FAM200B: variants seen among roughly 807,000 people sequenced by gnomAD.
The protein encoded by FAM200B is protein FAM200B.
Under a neutral mutation model 33.1 loss-of-function variants are expected in FAM200B, and 32 were observed. That is an observed-to-expected ratio of 0.97 (90% CI 0.73 to 1.30). FAM200B has a LOEUF of 1.30. FAM200B is among the 50% of genes most tolerant of loss of function. The pLI is 0.00. For synonymous variants in FAM200B, 240 were observed against 264.8 expected (o/e 0.91, Z 0.91); for missense variants, 741 against 754.0 (o/e 0.98, Z 0.20).
chr4:15,664,911 C>T, the FAM200B span, among the ~76,000 whole-genome samples: 1 of 151,994 alleles, frequency 6.6e-6, no homozygotes, highest in Non-Finnish European at 1.5e-5. Context: ...CCTACAGGTA[C>T]AAATGTCACA....
the FAM200B span, among the ~76,000 whole-genome samples, chr4:15,650,261 C>A: frequency 6.6e-6 from 1 of 152,186 alleles, no homozygotes; most frequent in African/African-American, 2.4e-5. Flanking sequence ...AAATGTTGCT[C>A]TAGAAAACTG....
the FAM200B span, chr4:15,644,650 T>C: frequency 6.2e-7 from 1 of 1,614,070 alleles, no homozygotes; most frequent in East Asian, 2.2e-5. Context: ...GAAAGTAGCA[T>C]ACAAAGACTG....
chr4:15,650,329 A>T, the FAM200B span, among the ~76,000 whole-genome samples: 1 of 152,232 alleles, frequency 6.6e-6, no homozygotes. Context: ...ATCCAGATTC[A>T]CACGCATCAC....
Position 15,689,258 on chromosome 4 carries a change from G to C in FAM200B, c.*307G>C, listed in dbSNP as rs1719189056. On this transcript the variant is annotated 3_prime_UTR_variant, in exon 2 of 2. Coordinates refer to ENST00000422728, the MANE Select transcript of FAM200B (RefSeq NM_001145191.2). Reference sequence around the variant, plus strand: ...TAAATAAGGTTTATAATATTTAGAAGCTATTAAGTGCTATGGAAAGAGTAG... The same window carrying C: ...TAAATAAGGTTTATAATATTTAGAACCTATTAAGTGCTATGGAAAGAGTAG... 5.0e-6 allele frequency: 1 copy of C among 201,302 alleles called. No homozygotes were observed. The highest frequency in any genetic ancestry group is 2.1e-3 in the Middle Eastern group (1 of 484). The allele number at this position is 201,302 out of a possible 1,614,324, so 12.5% of individuals were successfully genotyped here. A position where few individuals can be genotyped will look rare whatever the true frequency, so the allele number is the denominator to read the frequency against.
At chr4:15,648,236 G>A in the FAM200B span, among the ~76,000 whole-genome samples, 7 of 152,070 alleles carry the variant, frequency 4.6e-5, no homozygotes, top group Non-Finnish European at 1.0e-4. Context: ...TTATTTAGTA[G>A]GCTTTTCTGT....
chr4:15,662,850 CATT>C, the FAM200B span, among the ~76,000 whole-genome samples: 1 of 152,134 alleles, frequency 6.6e-6, no homozygotes, highest in African/African-American at 2.4e-5. Context: ...TGTGGCTAAA[CATT>C]ATTCCCAGAT....
chr4:15,683,791 T>C lies in FAM200B; in HGVS notation c.-743+1890T>C, dbSNP rs113276672. ...TACATATTTCCCAGTTGTCCAAATA[T>C]AGTTGGATAACTTATTTGTTACTGA... is the stretch of plus-strand genomic sequence containing the variant. On this transcript the variant is annotated intron_variant, in intron 1 of 1. Coordinates refer to ENST00000422728, the MANE Select transcript of FAM200B (RefSeq NM_001145191.2). 8.3e-3 allele frequency among the ~76,000 whole-genome samples: 1,262 copies of C among 152,326 alleles called. 9 individuals are homozygous for C. Among genetic ancestry groups the C allele is most frequent in the Non-Finnish European group, 0.012 (812 of 68,032 alleles).
the FAM200B span, among the ~76,000 whole-genome samples, chr4:15,667,279 AGTCCAATGCTT>A: frequency 6.6e-6 from 1 of 152,200 alleles, no homozygotes; most frequent in African/African-American, 2.4e-5. Context: ...ACAAGTACCT[AGTCCAATGCTT>A]GGCATATGAT....
rs754007207 is a variant in FAM200B, at chr4:15,687,092, A to G, written c.115A>G (p.Thr39Ala). 2 of 1,548,792 alleles carry G rather than the reference A, an allele frequency of 1.3e-6. No homozygotes were observed. Among genetic ancestry groups the G allele is most frequent in the South Asian group, 1.2e-5 (1 of 83,262 alleles). Residue 39 changes from threonine to alanine, a missense_variant, in exon 2 of 2, where the codon ACT becomes GCT. Transcript: ENST00000422728. ...IVNSDNIEKN[T>A]DSNLQTSTSF... ...GAATAGTGACAATATTGAGAAAAAT[A>G]CTGACTCCAATCTGCAAACTTCAAC... is the stretch of plus-strand genomic sequence containing the variant.
chr4:15,649,852 G>A, the FAM200B span, among the ~76,000 whole-genome samples: 1 of 152,012 alleles, frequency 6.6e-6, no homozygotes, highest in Non-Finnish European at 1.5e-5. Context: ...CTAACAAACA[G>A]AGTCTCAGGA....
At chr4:15,644,656 G>C in the FAM200B span, 1 of 1,613,604 alleles carries the variant, frequency 6.2e-7, no homozygotes, top group Middle Eastern at 1.6e-4. Flanking sequence ...AGCATACAAA[G>C]ACTGCAGAAG....
At chr4:15,680,852 A>T (rs533094906), upstream of FAM200B, among the ~76,000 whole-genome samples, 147 of 149,238 alleles carry the variant, frequency 9.9e-4, no homozygotes, top group Middle Eastern at 0.024. Flanking sequence ...GGTAGAATTT[A>T]AAAAAAAACT....
chr4:15,669,112 A>AT, the FAM200B span, among the ~76,000 whole-genome samples: 1 of 152,204 alleles, frequency 6.6e-6, no homozygotes, highest in Non-Finnish European at 1.5e-5. Flanking sequence ...ATAGTTGAGT[A>AT]TTTGTTACTT....
At chr4:15,650,168 G>A in the FAM200B span, among the ~76,000 whole-genome samples, 2 of 152,134 alleles carry the variant, frequency 1.3e-5, no homozygotes, top group African/African-American at 2.4e-5. Context: ...CCAGGGATGT[G>A]GCTAAACATC....
At chr4:15,644,347 TA>T in the FAM200B span, 1 of 664,174 alleles carries the variant, frequency 1.5e-6, no homozygotes, top group Non-Finnish European at 2.5e-6. Context: ...TCTTTTTAAA[TA>T]GTCTTCCTTG....
At position 15,688,180 on chromosome 4, in the gene FAM200B, C is replaced by T. The variant is rs2148865721; in HGVS notation, c.1203C>T (p.Leu401=). Residue 401 remains leucine, a synonymous_variant, in exon 2 of 2, where the codon CTC becomes CTT. Coordinates refer to ENST00000422728, the MANE Select transcript of FAM200B (RefSeq NM_001145191.2). Reference sequence around the variant, plus strand: ...AAATACTAAGCAGGGTTTATGAGCTCAGGAATGAGATTCACTTTTTTCTCA... The same window carrying T: ...AAATACTAAGCAGGGTTTATGAGCTTAGGAATGAGATTCACTTTTTTCTCA... ...QGKILSRVYE[L]RNEIHFFLIE... The T allele has an allele frequency of 6.4e-7, 1 of 1,551,020 alleles. No homozygotes were observed. The highest frequency in any genetic ancestry group is 8.7e-7 in the Non-Finnish European group (1 of 1,146,696).
the FAM200B span, among the ~76,000 whole-genome samples, chr4:15,676,524 C>G: frequency 6.6e-6 from 1 of 152,132 alleles, no homozygotes; most frequent in African/African-American, 2.4e-5. Context: ...CATAGTTTAG[C>G]TTCTAATTCA....
chr4:15,667,966 G>A, the FAM200B span, among the ~76,000 whole-genome samples: 4 of 151,732 alleles, frequency 2.6e-5, no homozygotes, highest in East Asian at 1.9e-4. Context: ...GCTTGAACTC[G>A]GGAGGTGGAG....
chr4:15,687,827 T>C lies in FAM200B; in HGVS notation c.850T>C (p.Tyr284His), dbSNP rs1294063712. Residue 284 changes from tyrosine to histidine, a missense_variant, in exon 2 of 2, where the codon TAT becomes CAT. Tyr to His is a moderately conservative substitution (Grantham distance 83, BLOSUM62 2). Transcript: ENST00000422728. ...TELERRIVGQ[Y>H]KLNWKNCKGI... ...ATTAGAAAGGCGCATAGTTGGCCAA[T>C]ATAAATTAAACTGGAAAAACTGTAA... 2 of 1,551,026 alleles carry C rather than the reference T, an allele frequency of 1.3e-6. No individual in the cohort carries two copies. The highest frequency in any genetic ancestry group is 3.9e-5 in the Admixed American group (2 of 50,994).
Sources: allele counts gnomAD v4.1 joint callset (sites outside exome capture counted in the v4.1 genomes callset), GRCh38; gene constraint gnomAD v4.1.1; transcripts MANE v1.5; gene names NCBI Gene and HGNC (gene_info 2026-07-23, HGNC 2026-07-21).